Variants in DOCK3 observed in about 807,000 individuals in gnomAD.
The protein encoded by DOCK3 is dedicator of cytokinesis protein 3.
In DOCK3, 60 loss-of-function variants were observed where a neutral mutation model predicts 265.6. That is an observed-to-expected ratio of 0.23 (90% confidence interval 0.18 to 0.28). The LOEUF (loss-of-function observed/expected upper bound fraction) is 0.28, where lower values mean the gene tolerates loss of function less well. Among genes scored for constraint, DOCK3 ranks in the 10% least tolerant of loss-of-function variants. The pLI, the probability that DOCK3 is intolerant of heterozygous loss-of-function variation, is 1.00. For synonymous variants in DOCK3, 881 were observed against 938.0 expected (o/e 0.94, Z 1.11); for missense variants, 1,981 against 2,594.3 (o/e 0.76, Z 5.14).
intron 1 of DOCK3, among the ~76,000 whole-genome samples, chr3:50,683,973 A>G (rs2034603104): frequency 6.6e-6 from 1 of 150,740 alleles, no homozygotes; most frequent in Admixed American, 6.6e-5. Flanking sequence ...CTCTCTCCAC[A>G]TTTTCTATAC....
At chr3:51,054,663 T>C (rs906163283) in intron 5 of DOCK3, among the ~76,000 whole-genome samples, 1 of 152,208 alleles carries the variant, frequency 6.6e-6, no homozygotes, top group Non-Finnish European at 1.5e-5. Flanking sequence ...ATCTATTGGA[T>C]TGCATTACCT....
chr3:51,170,737 G>A (rs1306815245), intron 12 of DOCK3, among the ~76,000 whole-genome samples: 1 of 152,098 alleles, frequency 6.6e-6, no homozygotes, highest in African/African-American at 2.4e-5. Context: ...GAGATCAGGA[G>A]ATCAGGACCA....
Position 51,281,274 on chromosome 3 carries a change from A to AATATATATATATAT in DOCK3, c.2922+1089_2922+1102dup, listed in dbSNP as rs56084027. Among the ~76,000 whole-genome samples, 188 of 125,636 alleles carry AATATATATATATAT rather than the reference A, an allele frequency of 1.5e-3. 3 individuals carry two copies. Among genetic ancestry groups the AATATATATATATAT allele is most frequent in the African/African-American group, 5.4e-3 (178 of 32,834 alleles). The allele number at this position is 125,636 out of a possible 152,430, so 82.4% of individuals were successfully genotyped here. A position where few individuals can be genotyped will look rare whatever the true frequency, so the allele number is the denominator to read the frequency against. ...ACACTAACGATAGCTGATGAGCTAA[A>AATATATATATATAT]ATATATATATATATATATATATATA... On this transcript the variant is annotated intron_variant, in intron 27 of 52. Transcript: ENST00000266037.
intron 6 of DOCK3, among the ~76,000 whole-genome samples, chr3:51,070,921 G>A (rs1200078885): frequency 6.6e-6 from 1 of 152,040 alleles, no homozygotes; most frequent in Admixed American, 6.6e-5. Context: ...GATCTGAGGT[G>A]GAACAGTTTC....
At chr3:50,731,803 A>G (rs1181909106) in intron 1 of DOCK3, among the ~76,000 whole-genome samples, 4 of 152,134 alleles carry the variant, frequency 2.6e-5, no homozygotes, top group African/African-American at 4.8e-5. Flanking sequence ...TAAGCTTGGG[A>G]AAAAAACAAT....
intron 38 of DOCK3, among the ~76,000 whole-genome samples, chr3:51,346,033 A>G (rs958784453): frequency 5.3e-5 from 8 of 152,152 alleles, no homozygotes; most frequent in Admixed American, 2.6e-4. Context: ...CTACTTTTCT[A>G]TATGCTTAAA....
intron 5 of DOCK3, among the ~76,000 whole-genome samples, chr3:50,939,314 TA>T (rs1442594364): frequency 2.0e-5 from 3 of 152,066 alleles, no homozygotes; most frequent in African/African-American, 7.2e-5. Context: ...GGCAAATAAA[TA>T]ACACTAGTTT....
chr3:51,309,945 A>G (rs2082967183), intron 27 of DOCK3, among the ~76,000 whole-genome samples: 1 of 152,242 alleles, frequency 6.6e-6, no homozygotes, highest in African/African-American at 2.4e-5. Context: ...AGTCTGTCCC[A>G]TGCTTTGGGC....
chr3:50,868,790 A>G (rs1334272504), intron 3 of DOCK3, among the ~76,000 whole-genome samples: 3 of 151,966 alleles, frequency 2.0e-5, no homozygotes. Context: ...TAGATTTCCC[A>G]ATTTATTGGC....
intron 27 of DOCK3, among the ~76,000 whole-genome samples, chr3:51,302,631 C>A (rs1490469805): frequency 1.3e-5 from 2 of 152,114 alleles, no homozygotes; most frequent in African/African-American, 4.8e-5. Context: ...CAAATTCCCT[C>A]CTCATTTGGT....
intron 5 of DOCK3, among the ~76,000 whole-genome samples, chr3:50,977,993 A>C (rs1444942364): frequency 2.0e-5 from 3 of 152,062 alleles, no homozygotes; most frequent in Admixed American, 6.5e-5. Context: ...TTTCAGCTCC[A>C]TCAGCTCCTT....
At chr3:50,975,029 G>A (rs2077386801) in intron 5 of DOCK3, among the ~76,000 whole-genome samples, 1 of 151,614 alleles carries the variant, frequency 6.6e-6, no homozygotes, top group South Asian at 2.1e-4. Context: ...ATCAGCTTAA[G>A]GAGATTTTGG....
At chr3:50,889,347 G>A (rs2048527975) in intron 3 of DOCK3, among the ~76,000 whole-genome samples, 1 of 151,858 alleles carries the variant, frequency 6.6e-6, no homozygotes, top group Non-Finnish European at 1.5e-5. Context: ...GGCTCCTAAA[G>A]CACTGGGATT....
intron 5 of DOCK3, among the ~76,000 whole-genome samples, chr3:50,959,558 G>GTGTGTGTGTA (rs1197225474): frequency 7.2e-6 from 1 of 139,448 alleles, no homozygotes; most frequent in Admixed American, 7.5e-5. Flanking sequence ...GTGTGTGTGT[G>GTGTGTGTGTA]TATATATATA....
intron 27 of DOCK3, among the ~76,000 whole-genome samples, chr3:51,298,786 AC>A (rs1482333537): frequency 1.3e-5 from 2 of 152,044 alleles, no homozygotes; most frequent in Non-Finnish European, 2.9e-5. Flanking sequence ...TGTATATGTA[AC>A]CCATTTTCTT....
rs73087241 is a variant in DOCK3, at chr3:51,099,402, A to G, written c.746+9018A>G. ...GGCTGTGGAAAATTTTTAATGTATCATCCTACAGAGTCTGGATAACAACAG... is the reference window on the plus strand; with the variant it reads ...GGCTGTGGAAAATTTTTAATGTATCGTCCTACAGAGTCTGGATAACAACAG... On this transcript the variant is annotated intron_variant, in intron 9 of 52. Coordinates refer to ENST00000266037, the MANE Select transcript of DOCK3 (RefSeq NM_004947.5). 5.5e-3 allele frequency among the ~76,000 whole-genome samples: 842 copies of G among 152,334 alleles called. 2 individuals are homozygous for G. The highest frequency in any genetic ancestry group is 9.7e-3 in the Admixed American group (148 of 15,306).
chr3:51,372,605 C>A (rs2087773852), intron 49 of DOCK3, among the ~76,000 whole-genome samples: 1 of 152,194 alleles, frequency 6.6e-6, no homozygotes, highest in Non-Finnish European at 1.5e-5. Context: ...AGGTGAGAGA[C>A]CACGGACAAC....
chr3:50,756,508 C>T (rs1383603826), intron 1 of DOCK3, among the ~76,000 whole-genome samples: 1 of 152,006 alleles, frequency 6.6e-6, no homozygotes, highest in Non-Finnish European at 1.5e-5. Flanking sequence ...TAGTTCAAAA[C>T]ACACACTGTT....
chr3:50,734,789 G>A (rs1006409557), intron 1 of DOCK3, among the ~76,000 whole-genome samples: 38 of 151,856 alleles, frequency 2.5e-4, no homozygotes, highest in Non-Finnish European at 1.0e-4. Flanking sequence ...ATTTTTAGTA[G>A]AGGCGGGGTT....
Sources: gnomAD v4.1 joint callset for allele counts (sites outside exome capture counted in the v4.1 genomes callset) on GRCh38, gnomAD v4.1.1 for gene constraint, MANE v1.5 for transcripts, NCBI Gene and HGNC (gene_info 2026-07-23, HGNC 2026-07-21) for gene names.